DCAF1: variants seen among roughly 807,000 people sequenced by gnomAD.
DCAF1 encodes the protein DDB1 and CUL4 associated factor 1.
Under a neutral mutation model 128.0 loss-of-function variants are expected in DCAF1, and 15 were observed. That is an observed-to-expected ratio of 0.12 (90% CI 0.08 to 0.18). The LOEUF (loss-of-function observed/expected upper bound fraction) is 0.18, where lower values mean the gene tolerates loss of function less well. DCAF1 is among the 10% of genes least tolerant of loss of function. DCAF1 has a pLI of 1.00. For synonymous variants in DCAF1, 610 were observed against 603.0 expected (o/e 1.01, Z -0.17); for missense variants, 988 against 1,649.5 (o/e 0.60, Z 6.95).
At chr3:51,438,054 C>A in intron 9 of DCAF1, 1 of 424,574 alleles carries the variant, frequency 2.4e-6, no homozygotes, top group Admixed American at 3.1e-5. Flanking sequence ...TAAAATTTTA[C>A]TTATTACATA....
intron 2 of DCAF1, 90 bp from the exon 3 acceptor site, chr3:51,483,926 G>C: frequency 1.1e-6 from 1 of 893,860 alleles, no homozygotes; most frequent in South Asian, 1.4e-5. Context: ...GGACGAGAAG[G>C]CAAGAGAAAA....
chr3:51,503,510 A>G (rs114770972), upstream of DCAF1, among the ~76,000 whole-genome samples: 663 of 152,128 alleles, frequency 4.4e-3, 4 homozygotes, highest in African/African-American at 0.015. Flanking sequence ...TCCTCCAGCA[A>G]TTCCCTTCCC....
At chr3:51,433,738 C>T (rs1163338950) in intron 9 of DCAF1, among the ~76,000 whole-genome samples, 2 of 148,356 alleles carry the variant, frequency 1.3e-5, no homozygotes, top group African/African-American at 4.9e-5. Flanking sequence ...GCTGGGATTA[C>T]AGGCGTGAGC....
chr3:51,501,461 A>C (rs1553664278), upstream of DCAF1, among the ~76,000 whole-genome samples: 1 of 152,132 alleles, frequency 6.6e-6, no homozygotes, highest in Non-Finnish European at 1.5e-5. Flanking sequence ...TATGCAGCTC[A>C]TTATCTCTCC....
chr3:51,484,053 C>T (rs1223054794), intron 2 of DCAF1, among the ~76,000 whole-genome samples: 4 of 152,130 alleles, frequency 2.6e-5, no homozygotes, highest in East Asian at 3.9e-4. Flanking sequence ...CAAGTACTTT[C>T]GCCTTTCTCA....
chr3:51,403,880 C>T (rs2106882907), intron 23 of DCAF1, among the ~76,000 whole-genome samples: 1 of 152,342 alleles, frequency 6.6e-6, no homozygotes, highest in South Asian at 2.1e-4. Flanking sequence ...TGTGGATAAG[C>T]TCCTAACTAT....
intron 2 of DCAF1, among the ~76,000 whole-genome samples, chr3:51,496,387 A>G (rs1280805362): frequency 6.6e-6 from 1 of 152,184 alleles, no homozygotes; most frequent in Admixed American, 6.6e-5. Flanking sequence ...AGATCGCGCC[A>G]CTGCACTCCA....
At chr3:51,486,933 C>T (rs572072575) in intron 2 of DCAF1, among the ~76,000 whole-genome samples, 1 of 147,556 alleles carries the variant, frequency 6.8e-6, no homozygotes, top group African/African-American at 2.5e-5. Flanking sequence ...TGCTTGGCCT[C>T]GATAAATATA....
chr3:51,423,953 T>C (rs1369139318), intron 13 of DCAF1, among the ~76,000 whole-genome samples: 4 of 152,026 alleles, frequency 2.6e-5, no homozygotes, highest in Non-Finnish European at 5.9e-5. Flanking sequence ...TAGAGTATAG[T>C]ACACTCATAA....
Position 51,420,446 on chromosome 3 carries a change from T to G in DCAF1, c.2524A>C (p.Arg842=). The part of the protein sequence containing the change: ...LQKADVVAQS[R]ISFPEKELLL... ...AGCTCTTTCTCAGGGAAGGAGATCC[T>G]TGACTGGGCAACAACATCTGCTTTC... Residue 842 remains arginine (R), a synonymous_variant, in exon 15 of 25, where the codon AGG becomes CGG. Transcript: ENST00000684031. The surrounding 1 kb of genome is among the most constrained non-coding windows in gnomAD (Gnocchi z 6.5). 2 of 1,614,076 alleles carry G rather than the reference T, an allele frequency of 1.2e-6. No individual in the cohort carries two copies. Among genetic ancestry groups the G allele is most frequent in the Non-Finnish European group, 1.7e-6 (2 of 1,179,896 alleles).
intron 6 of DCAF1, among the ~76,000 whole-genome samples, chr3:51,454,262 C>T (rs1312298106): frequency 6.6e-6 from 1 of 152,106 alleles, no homozygotes; most frequent in East Asian, 1.9e-4. Flanking sequence ...GCTACATCGC[C>T]AGTCTTGAAC....
intron 20 of DCAF1, 101 bp from the exon 21 acceptor site, chr3:51,413,487 A>C: frequency 6.7e-7 from 1 of 1,488,638 alleles, no homozygotes; most frequent in South Asian, 1.3e-5. Flanking sequence ...ATCTACTTGC[A>C]TATAGGTTTA....
At chr3:51,496,831 C>T (rs981423584) in intron 1 of DCAF1, among the ~76,000 whole-genome samples, 51 bp from the exon 2 acceptor site, 10 of 152,060 alleles carry the variant, frequency 6.6e-5, no homozygotes, top group Admixed American at 4.6e-4. Context: ...ATATTGTCCC[C>T]ATGATGGGAT....
chr3:51,396,321 T>G (rs1363352723), downstream of DCAF1: 1 of 177,164 alleles, frequency 5.6e-6, no homozygotes. Flanking sequence ...ACTGCCAAGT[T>G]TTGGTGAGGA....
At chr3:51,447,881 GA>G (rs1249185007) in intron 6 of DCAF1, among the ~76,000 whole-genome samples, 1 of 152,158 alleles carries the variant, frequency 6.6e-6, no homozygotes, top group East Asian at 1.9e-4. Context: ...CTGGGAGGCA[GA>G]GTTGCAGTGA....
chr3:51,479,895 T>G (rs1346886504), intron 3 of DCAF1, among the ~76,000 whole-genome samples: 1 of 151,992 alleles, frequency 6.6e-6, no homozygotes, highest in Non-Finnish European at 1.5e-5. Flanking sequence ...TAAAACAAAG[T>G]GGTGGCCAGT....
rs782363207 is a variant in DCAF1 at position 51,474,784 on chromosome 3, C to CTTTT, written c.111-3783_111-3780dup. Among the ~76,000 whole-genome samples, 17 of 121,810 alleles carry CTTTT rather than the reference C, an allele frequency of 1.4e-4. 1 individual carries two copies. Among genetic ancestry groups the CTTTT allele is most frequent in the Admixed American group, 1.2e-3 (13 of 10,730 alleles). The allele number at this position is 121,810 out of a possible 152,430, so 79.9% of individuals were successfully genotyped here. ...TACAGGTGTCAATCAGCATGCCTGG[C>CTTTT]TTTTTTTTTTTTTTTTTTGAGATGG... On this transcript the variant is annotated intron_variant, in intron 3 of 24. Coordinates refer to ENST00000684031, the MANE Select transcript of DCAF1 (RefSeq NM_001387579.1).
At chr3:51,452,883 C>T (rs1331804020) in intron 6 of DCAF1, among the ~76,000 whole-genome samples, 3 of 151,798 alleles carry the variant, frequency 2.0e-5, no homozygotes, top group Non-Finnish European at 4.4e-5. Flanking sequence ...GGCGTGGTGG[C>T]GGGCACCTGT....
At chr3:51,503,857 C>T (rs1008858219), upstream of DCAF1, among the ~76,000 whole-genome samples, 6 of 152,136 alleles carry the variant, frequency 3.9e-5, no homozygotes, top group Non-Finnish European at 8.8e-5. Context: ...AAGTCAACAA[C>T]TTAAGTGCCC....
Sources: allele counts gnomAD v4.1 joint callset (sites outside exome capture counted in the v4.1 genomes callset), GRCh38; gene constraint gnomAD v4.1.1; non-coding constraint Gnocchi (gnomAD v3.1); transcripts MANE v1.5; gene names NCBI Gene and HGNC (gene_info 2026-07-23, HGNC 2026-07-21).